The following SH2D4A variants were observed in gnomAD, a reference collection of about 807,000 sequenced individuals.
SH2D4A encodes SH2 domain containing 4A.
Under a neutral mutation model 64.7 loss-of-function variants are expected in SH2D4A, and 70 were observed. The ratio of observed to expected loss-of-function variants is 1.08; its 90% confidence interval spans 0.89 to 1.32. The LOEUF (loss-of-function observed/expected upper bound fraction) is 1.32, where lower values mean the gene tolerates loss of function less well. Ranked by LOEUF, SH2D4A falls within the 40% of genes most tolerant of loss-of-function variation. SH2D4A has a pLI of 0.00. For synonymous variants in SH2D4A, 268 were observed against 200.7 expected (o/e 1.34, Z -2.83); for missense variants, 706 against 540.1 (o/e 1.31, Z -3.04).
intron 4 of SH2D4A, among the ~76,000 whole-genome samples, chr8:19,342,839 T>C (rs2052549876): frequency 6.6e-6 from 1 of 152,074 alleles, no homozygotes; most frequent in East Asian, 1.9e-4. Flanking sequence ...GCTTTTTCCA[T>C]AAGAAAACAT....
chr8:19,367,071 T>A (rs1349495782), intron 7 of SH2D4A, among the ~76,000 whole-genome samples: 1 of 152,174 alleles, frequency 6.6e-6, no homozygotes, highest in Non-Finnish European at 1.5e-5. Flanking sequence ...TTTTTTTTAT[T>A]GCAAATGACA....
At chr8:19,371,654 AT>A (rs1464147033) in intron 7 of SH2D4A, among the ~76,000 whole-genome samples, 1 of 152,156 alleles carries the variant, frequency 6.6e-6, no homozygotes, top group African/African-American at 2.4e-5. Context: ...TTGCATAAGC[AT>A]TTAACCCCTT....
At chr8:19,363,772 GC>G in intron 6 of SH2D4A, 1 of 399,772 alleles carries the variant, frequency 2.5e-6, no homozygotes, top group South Asian at 2.6e-5. Context: ...ACTTGGTCTT[GC>G]CAACTGCAGG....
chr8:19,324,400 C>T (rs1585145780), intron 2 of SH2D4A, among the ~76,000 whole-genome samples: 1 of 152,318 alleles, frequency 6.6e-6, no homozygotes, highest in Non-Finnish European at 1.5e-5. Context: ...AAAGCTTTCC[C>T]TCTATTTTTG....
chr8:19,393,943 T>TA (rs1371689508), intron 9 of SH2D4A, among the ~76,000 whole-genome samples: 1 of 152,194 alleles, frequency 6.6e-6, no homozygotes, highest in African/African-American at 2.4e-5. Context: ...GTGCATTTTA[T>TA]TATTACATTG....
chr8:19,320,338 TAAAGC>T (rs2052166671), intron 2 of SH2D4A, among the ~76,000 whole-genome samples: 1 of 152,084 alleles, frequency 6.6e-6, no homozygotes, highest in Non-Finnish European at 1.5e-5. Flanking sequence ...CATTAAGACT[TAAAGC>T]AGACAAGGTG....
intron 8 of SH2D4A, among the ~76,000 whole-genome samples, chr8:19,381,375 A>G (rs879675460): frequency 6.6e-6 from 1 of 152,134 alleles, no homozygotes; most frequent in African/African-American, 2.4e-5. Context: ...TTTTTATTGT[A>G]TAAGTCTTTC....
chr8:19,381,025 T>C (rs1198428932), intron 8 of SH2D4A, among the ~76,000 whole-genome samples: 1 of 152,024 alleles, frequency 6.6e-6, no homozygotes, highest in Non-Finnish European at 1.5e-5. Context: ...TATGTCTTCT[T>C]TATCTCAGCA....
At chr8:19,389,938 GT>G (rs944512466) in intron 8 of SH2D4A, among the ~76,000 whole-genome samples, 1 of 152,172 alleles carries the variant, frequency 6.6e-6, no homozygotes, top group African/African-American at 2.4e-5. Context: ...ATCAGGTTTG[GT>G]TTCTTTAAGC....
chr8:19,373,126 T>C (rs1455745434), intron 7 of SH2D4A, among the ~76,000 whole-genome samples: 1 of 152,108 alleles, frequency 6.6e-6, no homozygotes, highest in Non-Finnish European at 1.5e-5. Context: ...ATCTGTGTGT[T>C]AACACAGCAG....
intron 4 of SH2D4A, among the ~76,000 whole-genome samples, chr8:19,349,005 C>T (rs1371544871): frequency 1.3e-5 from 2 of 151,936 alleles, no homozygotes; most frequent in African/African-American, 4.8e-5. Context: ...CATGTGCTTC[C>T]GAAACACAAG....
At chr8:19,354,614 A>G (rs1216938915) in intron 4 of SH2D4A, among the ~76,000 whole-genome samples, 1 of 152,216 alleles carries the variant, frequency 6.6e-6, no homozygotes, top group Non-Finnish European at 1.5e-5. Flanking sequence ...TGATAGGAAA[A>G]AATGTAAGAT....
Position 19,313,718 on chromosome 8 carries a change from C to T in SH2D4A, c.-310C>T. On this transcript the variant is annotated 5_prime_UTR_variant, in exon 1 of 10. Coordinates refer to ENST00000265807, the MANE Select transcript of SH2D4A (RefSeq NM_022071.4). ...GTATTTGCTCAGCCCGCCTGCGCCG[C>T]TTGGGACGCCTCTGCCTTTCCCTCC... The T allele has an allele frequency of 1.3e-6, 2 of 1,496,554 alleles. No individual in the cohort carries two copies. The allele number at this position is 1,496,554 out of a possible 1,614,324, so 92.7% of individuals were successfully genotyped here. A position where few individuals can be genotyped will look rare whatever the true frequency, so the allele number is the denominator to read the frequency against.
At chr8:19,361,810 T>C (rs2052893865) in intron 6 of SH2D4A, among the ~76,000 whole-genome samples, 1 of 152,206 alleles carries the variant, frequency 6.6e-6, no homozygotes, top group Non-Finnish European at 1.5e-5. Context: ...TTTTGGATTT[T>C]TTTTCCCCTA....
chr8:19,339,490 A>G (rs538982093), intron 4 of SH2D4A, among the ~76,000 whole-genome samples: 9 of 119,656 alleles, frequency 7.5e-5, no homozygotes, highest in African/African-American at 2.9e-4. Context: ...TTCCCTATAA[A>G]CTTTCTTTTT....
chr8:19,341,788 G>C (rs2052532650), intron 4 of SH2D4A, among the ~76,000 whole-genome samples: 1 of 147,484 alleles, frequency 6.8e-6, no homozygotes, highest in South Asian at 2.1e-4. Context: ...GTTGCAGCGA[G>C]CTATGATCAC....
Position 19,395,466 on chromosome 8 carries a change from T to C in SH2D4A, c.*824T>C, listed in dbSNP as rs1407040585. The stretch of plus-strand genomic sequence containing the variant: ...ATATATGGTGAAGTCTTAACCCCCA[T>C]CCCCGTGAATGGGACCTTGTTTGGA... On this transcript the variant is annotated 3_prime_UTR_variant, in exon 10 of 10. Transcript: ENST00000265807. 3.9e-5 allele frequency: 6 copies of C among 152,164 alleles called. No homozygotes were observed. The highest frequency in any genetic ancestry group is 1.4e-4 in the African/African-American group (6 of 41,410). 9.4% of individuals were successfully genotyped at this position (152,164 alleles called of 1,614,324 possible).
chr8:19,343,038 G>A (rs1033268199), intron 4 of SH2D4A, among the ~76,000 whole-genome samples: 5 of 152,154 alleles, frequency 3.3e-5, no homozygotes, highest in African/African-American at 7.2e-5. Context: ...CCTGCACTGC[G>A]AGAGGGTTGT....
intron 2 of SH2D4A, among the ~76,000 whole-genome samples, chr8:19,320,140 C>A (rs2052163360): frequency 6.6e-6 from 1 of 152,050 alleles, no homozygotes; most frequent in African/African-American, 2.4e-5. Flanking sequence ...AGAGATTTTT[C>A]TTTGAGGTAT....
Sources: allele counts gnomAD v4.1 joint callset (sites outside exome capture counted in the v4.1 genomes callset), GRCh38; gene constraint gnomAD v4.1.1; transcripts MANE v1.5; gene names NCBI Gene and HGNC (gene_info 2026-07-23, HGNC 2026-07-21).